SLC6A5: variants seen among roughly 807,000 people sequenced by gnomAD.
SLC6A5 encodes solute carrier family 6 member 5, also known as sodium- and chloride-dependent glycine transporter 2.
A neutral mutation model predicts 90.5 loss-of-function variants in SLC6A5; 58 were observed. The observed-to-expected ratio is 0.64, with a 90% CI of 0.52 to 0.80. SLC6A5 has a LOEUF of 0.80. Among genes scored for constraint, SLC6A5 ranks in the 30% least tolerant of loss-of-function variants. The pLI is 0.00. For synonymous variants in SLC6A5, 427 were observed against 401.4 expected (o/e 1.06, Z -0.76); for missense variants, 1,015 against 1,017.6 (o/e 1.00, Z 0.03).
intron 15 of SLC6A5, among the ~76,000 whole-genome samples, chr11:20,654,096 C>A (rs1590185830): frequency 6.6e-6 from 1 of 152,186 alleles, no homozygotes; most frequent in Non-Finnish European, 1.5e-5. Flanking sequence ...TAGAGACATT[C>A]CTATTATTTT....
At chr11:20,601,040 C>G in intron 1 of SLC6A5, 89 bp from the exon 2 acceptor site, 2 of 1,346,614 alleles carry the variant, frequency 1.5e-6, no homozygotes, top group Non-Finnish European at 2.0e-6. Flanking sequence ...GTGTCTGGAC[C>G]TGAGTTGCGA....
At chr11:20,629,566 A>G (rs1055059689) in intron 9 of SLC6A5, among the ~76,000 whole-genome samples, 1 of 152,198 alleles carries the variant, frequency 6.6e-6, no homozygotes, top group African/African-American at 2.4e-5. Context: ...ATTTCGGTAC[A>G]TGTATACAAT....
chr11:20,606,674 G>C (rs1281567496), intron 3 of SLC6A5, among the ~76,000 whole-genome samples: 1 of 152,090 alleles, frequency 6.6e-6, no homozygotes, highest in Non-Finnish European at 1.5e-5. Flanking sequence ...GACTGGTTGA[G>C]CTCTGGGAGG....
At chr11:20,619,969 G>A (rs1304785176) in intron 7 of SLC6A5, among the ~76,000 whole-genome samples, 2 of 152,200 alleles carry the variant, frequency 1.3e-5, no homozygotes, top group Non-Finnish European at 2.9e-5. Flanking sequence ...TACCGAGCAT[G>A]GCCTGAGGTT....
intron 5 of SLC6A5, among the ~76,000 whole-genome samples, chr11:20,613,487 A>G (rs1226648741): frequency 2.0e-5 from 3 of 152,108 alleles, no homozygotes; most frequent in Admixed American, 6.5e-5. Context: ...TGACAATAAT[A>G]ATATATACCT....
chr11:20,646,814 C>G lies in SLC6A5; in HGVS notation c.1970-20C>G. On this transcript the variant is annotated intron_variant, in intron 13 of 15. Coordinates refer to ENST00000525748, the MANE Select transcript of SLC6A5 (RefSeq NM_004211.5). ...CCTGCTACTGTGCCTTATACCTGTT[C>G]TCTGCTTGTCTATTTGCAGGCTTGC... is the stretch of plus-strand genomic sequence containing the variant. 1.3e-6 allele frequency: 2 copies of G among 1,562,886 alleles called. No individual in the cohort carries two copies. Among genetic ancestry groups the G allele is most frequent in the East Asian group, 2.2e-5 (1 of 44,582 alleles).
intron 6 of SLC6A5, among the ~76,000 whole-genome samples, chr11:20,616,768 G>A (rs929787830): frequency 1.3e-5 from 2 of 152,194 alleles, no homozygotes; most frequent in African/African-American, 4.8e-5. Context: ...GTTATGAAAA[G>A]CATGTCTGTG....
chr11:20,616,618 T>C (rs7106526), intron 6 of SLC6A5, among the ~76,000 whole-genome samples: 6,052 of 152,302 alleles, frequency 0.04, 431 homozygotes, highest in African/African-American at 0.14. Context: ...TTTTCCTTGC[T>C]TGGCAAATAT....
rs181805739 is a variant in SLC6A5, at chr11:20,623,161, A to G, written c.1261-3547A>G. 5.4e-3 allele frequency among the ~76,000 whole-genome samples: 819 copies of G among 152,290 alleles called. 5 individuals carry two copies. Among genetic ancestry groups the G allele is most frequent in the Non-Finnish European group, 8.2e-3 (561 of 68,032 alleles). On this transcript the variant is annotated intron_variant, in intron 7 of 15. Coordinates refer to ENST00000525748, the MANE Select transcript of SLC6A5 (RefSeq NM_004211.5). ...AGGAGAGACTGCTGTTCTGTGGTGC[A>G]GGAAAAATGTGTCCTGGTCAGCAGT...
chr11:20,614,635 T>A, intron 5 of SLC6A5, 44 bp from the exon 6 acceptor site: 1 of 1,586,002 alleles, frequency 6.3e-7, no homozygotes, highest in Non-Finnish European at 8.7e-7. Context: ...CTCTGTTTTC[T>A]GTACAGATTT....
chr11:20,608,697 C>T (rs1019007215), intron 5 of SLC6A5, among the ~76,000 whole-genome samples: 1 of 152,200 alleles, frequency 6.6e-6, no homozygotes, highest in African/African-American at 2.4e-5. Flanking sequence ...TCAGCTAGGT[C>T]TGTGCTGAGA....
intron 5 of SLC6A5, among the ~76,000 whole-genome samples, chr11:20,608,984 G>GTA (rs1852643878): frequency 6.6e-6 from 1 of 151,370 alleles, no homozygotes; most frequent in Non-Finnish European, 1.5e-5. Flanking sequence ...GTGTGTGTGT[G>GTA]TGTGTGTTTA....
Position 20,637,319 on chromosome 11 carries a change from G to C in SLC6A5, c.1869+16G>C. 6.2e-7 allele frequency: 1 copy of C among 1,611,966 alleles called. No homozygotes were observed. Among genetic ancestry groups the C allele is most frequent in the Non-Finnish European group, 8.5e-7 (1 of 1,178,502 alleles). ...GATCACTCAGGTAAGCTGCCTCCTA[G>C]GCACAGGCTTGGGGTGGGGGCAGGA... On this transcript the variant is annotated intron_variant, in intron 12 of 15. Coordinates refer to ENST00000525748, the MANE Select transcript of SLC6A5 (RefSeq NM_004211.5).
At position 20,654,917 on chromosome 11, in the gene SLC6A5, C is replaced by T; in HGVS notation, c.*49C>T. 1 of 1,575,168 alleles carries T rather than the reference C, an allele frequency of 6.3e-7. No homozygotes were observed. Among genetic ancestry groups the T allele is most frequent in the African/African-American group, 1.3e-5 (1 of 74,222 alleles). ...ACTTGATCCTGTTTTTCCTCTCTGC[C>T]TCCTCCTAATGTTTTCCATAGCTCT... On this transcript the variant is annotated 3_prime_UTR_variant, in exon 16 of 16. Coordinates refer to ENST00000525748, the MANE Select transcript of SLC6A5 (RefSeq NM_004211.5).
chr11:20,621,714 G>C (rs904365572), intron 7 of SLC6A5, among the ~76,000 whole-genome samples: 5 of 152,178 alleles, frequency 3.3e-5, no homozygotes, highest in Admixed American at 1.3e-4. Context: ...GAAATCCCAG[G>C]AACACTGTCA....
At chr11:20,621,036 C>T (rs976507575) in intron 7 of SLC6A5, among the ~76,000 whole-genome samples, 1 of 152,154 alleles carries the variant, frequency 6.6e-6, no homozygotes, top group Admixed American at 6.5e-5. Flanking sequence ...CTCTTGATCT[C>T]AGGTGATCCC....
chr11:20,601,763 A>G (rs978930260), intron 2 of SLC6A5, 98 bp downstream of exon 2: 36 of 1,333,832 alleles, frequency 2.7e-5, no homozygotes, highest in Non-Finnish European at 3.7e-5. Flanking sequence ...CTGATGGGGA[A>G]ACCGGTTGGC....
At position 20,617,789 on chromosome 11, in the gene SLC6A5, C is replaced by T. The variant is rs534157985; in HGVS notation, c.1165C>T (p.Pro389Ser). Reference protein sequence around the residue: ...VLKISAGIEYPGEIRWPLALC... With the variant: ...VLKISAGIEYSGEIRWPLALC... ...GAAGATTTCTGCAGGGATTGAATAT[C>T]CTGGCGAGATCAGGTGGCCACTAGC... Residue 389 changes from proline to serine, a missense_variant, in exon 7 of 16, where the codon CCT (proline) becomes TCT (serine). This residue lies in a region of SLC6A5 where 567 missense variants were observed against 507.3 expected (regional missense o/e 1.12). Transcript: ENST00000525748. The T allele has an allele frequency of 6.2e-7, 1 of 1,614,170 alleles. No homozygotes were observed. Among genetic ancestry groups the T allele is most frequent in the African/African-American group, 1.3e-5 (1 of 75,058 alleles).
chr11:20,643,331 C>T (rs942903421), intron 13 of SLC6A5, among the ~76,000 whole-genome samples: 1 of 151,834 alleles, frequency 6.6e-6, no homozygotes, highest in Non-Finnish European at 1.5e-5. Context: ...TCTCCCCTCA[C>T]TTATGCTCAG....
Sources: gnomAD v4.1 joint callset for allele counts (sites outside exome capture counted in the v4.1 genomes callset) on GRCh38, gnomAD v4.1.1 for gene constraint, gnomAD v4.1.1 regional missense constraint, MANE v1.5 for transcripts, NCBI Gene and HGNC (gene_info 2026-07-23, HGNC 2026-07-21) for gene names.